LRRN1: variants seen among roughly 807,000 people sequenced by gnomAD.
The protein encoded by LRRN1 is leucine rich repeat neuronal 1, also known as leucine-rich repeat neuronal protein 1.
In LRRN1, 14 loss-of-function variants were observed where a neutral mutation model predicts 45.8. The ratio of observed to expected loss-of-function variants is 0.31; its 90% confidence interval spans 0.20 to 0.48. The LOEUF is 0.48. LRRN1 is among the 20% of genes least tolerant of loss of function. LRRN1 has a pLI of 0.99. For synonymous variants in LRRN1, 359 were observed against 330.1 expected, an observed-to-expected ratio of 1.09 and a Z score of -0.95; for missense variants, 789 against 874.2, an observed-to-expected ratio of 0.90 and a Z score of 1.23.
chr3:3,836,615 T>C (rs1693521081), intron 1 of LRRN1, among the ~76,000 whole-genome samples: 1 of 152,144 alleles, frequency 6.6e-6, no homozygotes, highest in African/African-American at 2.4e-5. Context: ...TGGCACAAGA[T>C]CACGGCCTGT....
chr3:3,841,401 T>C (rs1255178709), intron 1 of LRRN1, among the ~76,000 whole-genome samples: 2 of 152,016 alleles, frequency 1.3e-5, no homozygotes, highest in African/African-American at 4.8e-5. Context: ...GTGGCAGAGG[T>C]TTTCTTAACA....
intron 1 of LRRN1, among the ~76,000 whole-genome samples, chr3:3,825,718 G>A (rs1224487047): frequency 6.6e-6 from 1 of 152,130 alleles, no homozygotes; most frequent in Non-Finnish European, 1.5e-5. Flanking sequence ...ACCTTTTAAA[G>A]TAGGTCTTCT....
intron 1 of LRRN1, among the ~76,000 whole-genome samples, chr3:3,837,552 T>G (rs572843190): frequency 1.4e-4 from 21 of 152,112 alleles, no homozygotes; most frequent in Non-Finnish European, 2.4e-4. Flanking sequence ...AGGAGATACA[T>G]AAGCCCTCAC....
intron 1 of LRRN1, among the ~76,000 whole-genome samples, chr3:3,808,742 C>A (rs932947370): frequency 1.3e-5 from 2 of 152,170 alleles, no homozygotes; most frequent in East Asian, 1.9e-4. Context: ...GCCCATTCCA[C>A]TCAAAAAGTT....
Position 3,844,801 on chromosome 3 carries a change from A to C in LRRN1, c.160A>C (p.Thr54Pro). 6.2e-7 allele frequency: 1 copy of C among 1,614,188 alleles called. No individual in the cohort carries two copies. The highest frequency in any genetic ancestry group is 1.1e-5 in the South Asian group (1 of 91,084). ...FTPQSTYREA[T>P]TVDCNDLRLT... The stretch of plus-strand genomic sequence containing the variant: ...CCCACAGTCAACTTACAGAGAAGCC[A>C]CCACTGTTGATTGCAATGACCTCCG... The change falls in exon 2 of 2, where the codon ACC becomes CCC. Residue 54 changes from threonine to proline, a missense_variant. By Grantham distance (38) the Thr-to-Pro change is conservative. Transcript: ENST00000319331.
chr3:3,819,020 G>A (rs1202357480), intron 1 of LRRN1, among the ~76,000 whole-genome samples: 1 of 151,316 alleles, frequency 6.6e-6, no homozygotes, highest in Non-Finnish European at 1.5e-5. Context: ...TGAGACAAGA[G>A]TCTCACTCTT....
chr3:3,839,561 G>C (rs916270259), intron 1 of LRRN1, among the ~76,000 whole-genome samples: 11 of 152,092 alleles, frequency 7.2e-5, no homozygotes, highest in Admixed American at 7.2e-4. Flanking sequence ...TCTGTAGATT[G>C]TTTTGGGTGT....
At position 3,827,264 on chromosome 3, in the gene LRRN1, G is replaced by A; in HGVS notation, c.-278-17100G>A. 2 of 227,946 alleles carry A rather than the reference G, an allele frequency of 8.8e-6. 1 individual carries two copies. Among genetic ancestry groups the A allele is most frequent in the South Asian group, 1.2e-4 (2 of 17,320 alleles). The allele number at this position is 227,946 out of a possible 1,614,324, so 14.1% of individuals were successfully genotyped here. On this transcript the variant is annotated intron_variant, in intron 1 of 1. Transcript: ENST00000319331. ...TACCCAAGGTCACAGAGCTGAATTT[G>A]AAACCAAGTCTGTCTCTCCAGAAGC... is the stretch of plus-strand genomic sequence containing the variant.
intron 1 of LRRN1, among the ~76,000 whole-genome samples, chr3:3,820,167 T>C (rs1239262931): frequency 1.3e-5 from 2 of 152,232 alleles, no homozygotes; most frequent in African/African-American, 4.8e-5. Context: ...AGAATTACTT[T>C]TACTTCATAT....
Position 3,816,541 on chromosome 3 carries a change from A to G in LRRN1, c.-279+16622A>G, listed in dbSNP as rs1692989491. ...TTAACCAGGGCTTTCAATTAAGAAA[A>G]AAAAATATTCCAATATGAGTTCATT... On this transcript the variant is annotated intron_variant, in intron 1 of 1. Coordinates refer to ENST00000319331, the MANE Select transcript of LRRN1 (RefSeq NM_020873.7). The surrounding 1 kb of genome is among the most constrained non-coding windows in gnomAD (Gnocchi z 4.0). Among the ~76,000 whole-genome samples the G allele has an allele frequency of 1.3e-5, 2 of 152,194 alleles. No homozygotes were observed. Among genetic ancestry groups the G allele is most frequent in the South Asian group, 4.1e-4 (2 of 4,832 alleles).
intron 1 of LRRN1, among the ~76,000 whole-genome samples, chr3:3,843,569 AC>A (rs11386855): frequency 1.7e-4 from 25 of 148,480 alleles, no homozygotes; most frequent in East Asian, 7.9e-4. Context: ...TTCCCACTGT[AC>A]CCCCCCCCAT....
chr3:3,813,602 T>G (rs773376007), intron 1 of LRRN1, among the ~76,000 whole-genome samples: 3 of 152,088 alleles, frequency 2.0e-5, no homozygotes, highest in African/African-American at 7.2e-5. Context: ...CTTACTAGAT[T>G]ATGAGAAAAA....
chr3:3,835,365 G>A (rs7649754), intron 1 of LRRN1, among the ~76,000 whole-genome samples: 128,734 of 152,142 alleles, frequency 0.85, 54,872 homozygotes, highest in East Asian at 0.95. Flanking sequence ...TGAAAAATAG[G>A]ATGCTATCAT....
intron 1 of LRRN1, among the ~76,000 whole-genome samples, chr3:3,818,997 C>CTTT (rs34405977): frequency 7.0e-6 from 1 of 142,650 alleles, no homozygotes; most frequent in Non-Finnish European, 1.5e-5. Context: ...AACTACTTTA[C>CTTT]TTTTATTTTT....
rs1693853204 is a variant in LRRN1 at position 3,849,555 on chromosome 3, G to A, written c.*2763G>A. On this transcript the variant is annotated 3_prime_UTR_variant, in exon 2 of 2. Coordinates refer to ENST00000319331, the MANE Select transcript of LRRN1 (RefSeq NM_020873.7). The stretch of plus-strand genomic sequence containing the variant: ...ATGTTATGTCACCTTTAACAGTGAA[G>A]TGGTTATTATAGGTCACTTTCTAAT... 6.6e-6 allele frequency among the ~76,000 whole-genome samples: 1 copy of A among 152,210 alleles called. No homozygotes were observed. The highest frequency in any genetic ancestry group is 2.4e-5 in the African/African-American group (1 of 41,460).
chr3:3,820,194 G>T lies in LRRN1; in HGVS notation c.-279+20275G>T, dbSNP rs566814348. On this transcript the variant is annotated intron_variant, in intron 1 of 1. Transcript: ENST00000319331. ...ACTTCATATGTTCTGTAATTACATT[G>T]TCCAAGAATGTGATCTAGAAATGAC... is the stretch of plus-strand genomic sequence containing the variant. 3.9e-5 allele frequency among the ~76,000 whole-genome samples: 6 copies of T among 152,198 alleles called. No individual in the cohort carries two copies. In the East Asian group the frequency reaches 1.2e-3, roughly 29 times the overall value.
At chr3:3,808,377 A>G (rs1462084888) in intron 1 of LRRN1, among the ~76,000 whole-genome samples, 1 of 152,216 alleles carries the variant, frequency 6.6e-6, no homozygotes, top group Non-Finnish European at 1.5e-5. Flanking sequence ...ATAGCTCAGG[A>G]AACTAAGGCA....
chr3:3,825,783 A>G (rs967126668), intron 1 of LRRN1, among the ~76,000 whole-genome samples: 5 of 152,210 alleles, frequency 3.3e-5, no homozygotes, highest in African/African-American at 4.8e-5. Context: ...TTAAAGCACT[A>G]AAGAAGTTTT....
chr3:3,802,282 G>A (rs1692670376), intron 1 of LRRN1, among the ~76,000 whole-genome samples: 1 of 152,222 alleles, frequency 6.6e-6, no homozygotes, highest in African/African-American at 2.4e-5. Flanking sequence ...AAGGCAGGCA[G>A]TGTGGGCCGC....
Sources: allele counts gnomAD v4.1 joint callset (sites outside exome capture counted in the v4.1 genomes callset), GRCh38; gene constraint gnomAD v4.1.1; non-coding constraint Gnocchi (gnomAD v3.1); transcripts MANE v1.5; gene names NCBI Gene and HGNC (gene_info 2026-07-23, HGNC 2026-07-21).